MCTP1: variants seen among roughly 807,000 people sequenced by gnomAD.
MCTP1 encodes the protein multiple C2 and transmembrane domain-containing protein 1.
A neutral mutation model predicts 120.6 loss-of-function variants in MCTP1; 69 were observed. The ratio of observed to expected loss-of-function variants is 0.57; its 90% CI spans 0.47 to 0.70. The LOEUF (loss-of-function observed/expected upper bound fraction) is 0.70. Ranked by LOEUF, MCTP1 falls within the 30% of genes least tolerant of loss-of-function variation. The pLI is 0.00. For synonymous variants in MCTP1, 529 were observed against 493.1 expected (o/e 1.07, Z -0.96); for missense variants, 1,203 against 1,248.8 (o/e 0.96, Z 0.55).
intron 1 of MCTP1, among the ~76,000 whole-genome samples, chr5:95,074,294 T>C (rs940939523): frequency 4.6e-5 from 7 of 152,178 alleles, no homozygotes. Context: ...CTTAGCACCA[T>C]CCACTTGAAG....
rs190414657 is a variant in MCTP1, at chr5:95,119,052, A to T, written c.721-101568T>A. Among the ~76,000 whole-genome samples the T allele has an allele frequency of 3.3e-3, 503 of 152,360 alleles. 5 individuals carry two copies. Among genetic ancestry groups the T allele is most frequent in the Non-Finnish European group, 5.2e-3 (356 of 68,028 alleles). On this transcript the variant is annotated intron_variant, in intron 1 of 22. Transcript: ENST00000515393. ...ACACATGGACCTACCAGATATTTAG[A>T]GTACATTTTATCCAACAGCTGAAGA...
intron 17 of MCTP1, among the ~76,000 whole-genome samples, chr5:94,800,090 G>A (rs1422086515): frequency 3.9e-5 from 6 of 152,054 alleles, no homozygotes; most frequent in Non-Finnish European, 8.8e-5. Flanking sequence ...CCCCTCTTTC[G>A]TTTCTTCCCC....
intron 1 of MCTP1, among the ~76,000 whole-genome samples, chr5:95,023,782 A>G (rs1838662393): frequency 2.0e-5 from 3 of 152,228 alleles, no homozygotes; most frequent in Non-Finnish European, 2.9e-5. Flanking sequence ...CTTAGGAAAT[A>G]TGTATCTGAA....
At chr5:95,001,672 A>ACTTT (rs1833723099) in intron 2 of MCTP1, among the ~76,000 whole-genome samples, 1 of 152,188 alleles carries the variant, frequency 6.6e-6, no homozygotes, top group Non-Finnish European at 1.5e-5. Flanking sequence ...GAGAGAGATG[A>ACTTT]TTTAGGGTAT....
intron 19 of MCTP1, among the ~76,000 whole-genome samples, chr5:94,720,022 A>AG (rs1446160798): frequency 1.3e-5 from 2 of 152,094 alleles, no homozygotes; most frequent in Non-Finnish European, 2.9e-5. Context: ...GCTACTCAGG[A>AG]GGCTGAGGCA....
chr5:95,271,797 T>TATAG (rs201312237), intron 1 of MCTP1, among the ~76,000 whole-genome samples: 1,715 of 151,380 alleles, frequency 0.011, 19 homozygotes, highest in South Asian at 0.031. Flanking sequence ...TATATAGCTA[T>TATAG]ATAGATAGAT....
At chr5:95,166,313 C>G (rs917740602) in intron 1 of MCTP1, 1 of 152,148 alleles carries the variant, frequency 6.6e-6, no homozygotes, top group African/African-American at 2.4e-5. Flanking sequence ...TCAAGGGAGC[C>G]TGGTCTATAA....
intron 1 of MCTP1, among the ~76,000 whole-genome samples, chr5:95,107,891 T>A (rs1240727918): frequency 6.6e-6 from 1 of 152,198 alleles, no homozygotes; most frequent in Non-Finnish European, 1.5e-5. Flanking sequence ...GTCCAGGATG[T>A]GCAGGTTTGT....
At chr5:94,775,483 C>A (rs1472751172) in intron 19 of MCTP1, among the ~76,000 whole-genome samples, 3 of 152,092 alleles carry the variant, frequency 2.0e-5, no homozygotes, top group Non-Finnish European at 2.9e-5. Flanking sequence ...TTTAGCTAAG[C>A]CTTATTTGCT....
chr5:94,824,931 CTTCT>C (rs1389097839), intron 17 of MCTP1, among the ~76,000 whole-genome samples: 20 of 151,964 alleles, frequency 1.3e-4, no homozygotes, highest in Non-Finnish European at 1.8e-4. Flanking sequence ...TCTCTCTTTT[CTTCT>C]TTATTAGTCT....
At chr5:95,027,125 CTA>C (rs1311588433) in intron 1 of MCTP1, among the ~76,000 whole-genome samples, 1 of 152,180 alleles carries the variant, frequency 6.6e-6, no homozygotes, top group East Asian at 1.9e-4. Context: ...CAAGGAAACA[CTA>C]TGATTATCTG....
At chr5:95,211,159 T>C in intron 1 of MCTP1, among the ~76,000 whole-genome samples, 1 of 152,068 alleles carries the variant, frequency 6.6e-6, no homozygotes, top group Non-Finnish European at 1.5e-5. Context: ...TGTCTTGGAG[T>C]TGCTCTTCTC....
intron 1 of MCTP1, among the ~76,000 whole-genome samples, chr5:95,028,225 C>T (rs1397036553): frequency 6.6e-6 from 1 of 152,088 alleles, no homozygotes; most frequent in Non-Finnish European, 1.5e-5. Context: ...ACGGTAGAAA[C>T]AGGTAGAAAC....
At chr5:95,214,834 G>T (rs901410282) in intron 1 of MCTP1, among the ~76,000 whole-genome samples, 2 of 134,856 alleles carry the variant, frequency 1.5e-5, no homozygotes, top group Non-Finnish European at 3.1e-5. Context: ...ATGGACACAG[G>T]AAGGGGAGCA....
intron 1 of MCTP1, among the ~76,000 whole-genome samples, chr5:95,049,403 T>C (rs1745339010): frequency 6.6e-6 from 1 of 151,882 alleles, no homozygotes; most frequent in Non-Finnish European, 1.5e-5. Context: ...CATGAACAAA[T>C]CAAAATTCAG....
At chr5:95,074,185 C>T (rs562463274) in intron 1 of MCTP1, among the ~76,000 whole-genome samples, 17 of 152,352 alleles carry the variant, frequency 1.1e-4, no homozygotes, top group African/African-American at 3.6e-4. Flanking sequence ...ATCTCTCAGG[C>T]GTAGGCCTGG....
intron 17 of MCTP1, among the ~76,000 whole-genome samples, chr5:94,811,361 G>A (rs1386865679): frequency 6.6e-6 from 1 of 151,972 alleles, no homozygotes; most frequent in Non-Finnish European, 1.5e-5. Context: ...AATGCAATGG[G>A]GCTTGTGTTT....
intron 1 of MCTP1, among the ~76,000 whole-genome samples, chr5:95,278,448 A>G (rs542458566): frequency 2.0e-4 from 31 of 152,310 alleles, no homozygotes; most frequent in African/African-American, 6.7e-4. Context: ...CTAGTTTTAT[A>G]AAAACATGCA....
At chr5:94,773,042 C>T (rs897433839) in intron 19 of MCTP1, among the ~76,000 whole-genome samples, 15 of 152,164 alleles carry the variant, frequency 9.9e-5, no homozygotes, top group African/African-American at 2.9e-4. Flanking sequence ...AGTATTTCTG[C>T]GGACTCAAAG....
Sources: allele counts gnomAD v4.1 joint callset (sites outside exome capture counted in the v4.1 genomes callset), GRCh38; gene constraint gnomAD v4.1.1; transcripts MANE v1.5; gene names NCBI Gene and HGNC (gene_info 2026-07-23, HGNC 2026-07-21).